LGSN: variants seen among roughly 807,000 people sequenced by gnomAD.
LGSN encodes lengsin, lens protein with glutamine synthetase domain, also known as lengsin.
In LGSN, 21 loss-of-function variants were observed where a neutral mutation model predicts 19.5. The ratio of observed to expected loss-of-function variants is 1.07; its 90% CI spans 0.76 to 1.55. The LOEUF is 1.55. Ranked by LOEUF, LGSN falls within the 40% of genes most tolerant of loss-of-function variation. The pLI, the probability that LGSN is intolerant of heterozygous loss-of-function variation, is 0.00. For synonymous variants in LGSN, 257 were observed against 215.6 expected (o/e 1.19, Z -1.68); for missense variants, 673 against 608.5 (o/e 1.11, Z -1.12).
the LGSN span, chr6:63,573,159 C>T: frequency 1.3e-5 from 2 of 155,596 alleles, no homozygotes; most frequent in Non-Finnish European, 2.8e-5. Context: ...GTCCCGGGGC[C>T]TCTTTGTTCG....
At chr6:63,478,795 A>G in the LGSN span, among the ~76,000 whole-genome samples, 1 of 152,212 alleles carries the variant, frequency 6.6e-6, no homozygotes, top group African/African-American at 2.4e-5. Flanking sequence ...AGAAATTCAA[A>G]AGGTAGGGTG....
intron 2 of LGSN, among the ~76,000 whole-genome samples, chr6:63,291,581 G>A (rs1362560403): frequency 6.6e-6 from 1 of 152,190 alleles, no homozygotes; most frequent in African/African-American, 2.4e-5. Flanking sequence ...GGAGCTTGGG[G>A]TTTATATGGG....
the LGSN span, among the ~76,000 whole-genome samples, chr6:63,390,804 G>A: frequency 6.8e-6 from 1 of 146,914 alleles, no homozygotes; most frequent in Non-Finnish European, 1.5e-5. Context: ...AGCCTGCAGT[G>A]AGCCGAGATC....
the LGSN span, among the ~76,000 whole-genome samples, chr6:63,347,546 G>C: frequency 6.6e-6 from 1 of 152,140 alleles, no homozygotes; most frequent in African/African-American, 2.4e-5. Flanking sequence ...TATTCCATCA[G>C]TTCATTCACT....
the LGSN span, among the ~76,000 whole-genome samples, chr6:63,411,917 C>T: frequency 6.6e-6 from 1 of 152,026 alleles, no homozygotes; most frequent in African/African-American, 2.4e-5. Flanking sequence ...GAACATTTCG[C>T]AATTAAAAAC....
chr6:63,324,516 C>T (rs1052057639), upstream of LGSN, among the ~76,000 whole-genome samples: 2 of 152,126 alleles, frequency 1.3e-5, no homozygotes, highest in Non-Finnish European at 2.9e-5. Context: ...TATGTTAGGA[C>T]ACAAAACAAG....
chr6:63,390,728 G>T, the LGSN span, among the ~76,000 whole-genome samples: 1 of 151,238 alleles, frequency 6.6e-6, no homozygotes, highest in East Asian at 2.0e-4. Context: ...GCGAGGTGGC[G>T]GGTGCCTGTA....
At chr6:63,373,648 C>T in the LGSN span, among the ~76,000 whole-genome samples, 2 of 151,784 alleles carry the variant, frequency 1.3e-5, no homozygotes, top group Admixed American at 1.3e-4. Flanking sequence ...AACATGTGAC[C>T]CTGACGAGAA....
At chr6:63,446,243 C>G in the LGSN span, among the ~76,000 whole-genome samples, 1 of 74,744 alleles carries the variant, frequency 1.3e-5, no homozygotes, top group African/African-American at 5.6e-5. Context: ...GACTGTGTCT[C>G]AAAAAAAAAA....
chr6:63,497,885 T>C, the LGSN span, among the ~76,000 whole-genome samples: 1 of 151,010 alleles, frequency 6.6e-6, no homozygotes, highest in Non-Finnish European at 1.5e-5. Flanking sequence ...ATTATTTCCT[T>C]GTTCTTCACA....
At chr6:63,509,226 G>A in the LGSN span, among the ~76,000 whole-genome samples, 2 of 151,730 alleles carry the variant, frequency 1.3e-5, 1 homozygote. Flanking sequence ...CACCACTTCT[G>A]GCTAATTTTT....
At chr6:63,523,189 AC>A in the LGSN span, among the ~76,000 whole-genome samples, 2 of 150,968 alleles carry the variant, frequency 1.3e-5, no homozygotes, top group African/African-American at 4.9e-5. Context: ...ATTTTTTTTT[AC>A]ATCACTCTTA....
chr6:63,488,311 A>G, the LGSN span, among the ~76,000 whole-genome samples: 3 of 152,200 alleles, frequency 2.0e-5, no homozygotes, highest in East Asian at 3.9e-4. Context: ...TTAGTTAAGC[A>G]CTATTCTCCC....
At chr6:63,351,527 C>T in the LGSN span, among the ~76,000 whole-genome samples, 1 of 151,972 alleles carries the variant, frequency 6.6e-6, no homozygotes, top group Admixed American at 6.6e-5. Context: ...GGTGCGATTT[C>T]AGCTCACTGC....
At chr6:63,504,958 C>T in the LGSN span, among the ~76,000 whole-genome samples, 1 of 152,136 alleles carries the variant, frequency 6.6e-6, no homozygotes, top group Non-Finnish European at 1.5e-5. Context: ...GTTTGTCACA[C>T]ATTCTTTTGA....
At chr6:63,378,271 C>CA in the LGSN span, among the ~76,000 whole-genome samples, 3 of 152,124 alleles carry the variant, frequency 2.0e-5, no homozygotes, top group African/African-American at 7.2e-5. Flanking sequence ...AGCAGGGGAA[C>CA]AGACATCTGA....
the LGSN span, among the ~76,000 whole-genome samples, chr6:63,351,707 C>T: frequency 6.6e-6 from 1 of 152,134 alleles, no homozygotes; most frequent in Non-Finnish European, 1.5e-5. Flanking sequence ...AACCACCCAC[C>T]TCGGCCTCCC....
chr6:63,526,476 C>T, the LGSN span, among the ~76,000 whole-genome samples: 103 of 151,474 alleles, frequency 6.8e-4, no homozygotes, highest in African/African-American at 2.4e-3. Flanking sequence ...AGGAAGACCA[C>T]GTATGATAAA....
the LGSN span, among the ~76,000 whole-genome samples, chr6:63,328,101 T>A: frequency 6.6e-6 from 1 of 152,336 alleles, no homozygotes; most frequent in African/African-American, 2.4e-5. Flanking sequence ...AAGGCTCGGG[T>A]AAGTGCCACT....
Sources: gnomAD v4.1 joint callset for allele counts (sites outside exome capture counted in the v4.1 genomes callset) on GRCh38, gnomAD v4.1.1 for gene constraint, MANE v1.5 for transcripts, NCBI Gene and HGNC (gene_info 2026-07-23, HGNC 2026-07-21) for gene names.